The following CFAP54 variants were observed in gnomAD, a reference collection of about 807,000 sequenced individuals.
CFAP54 encodes cilia- and flagella-associated protein 54.
CFAP54 carries 290 observed loss-of-function variants against 370.4 expected under a neutral mutation model. The ratio of observed to expected loss-of-function variants is 0.78; its 90% confidence interval spans 0.71 to 0.86. The LOEUF (loss-of-function observed/expected upper bound fraction) is 0.86. Among genes scored for constraint, CFAP54 ranks in the 40% least tolerant of loss-of-function variants. CFAP54 has a pLI of 0.00. For missense variants in CFAP54, 3,399 were observed against 3,528.7 expected, an observed-to-expected ratio of 0.96 and a Z score of 0.93; for synonymous variants, 1,206 against 1,236.5, an observed-to-expected ratio of 0.98 and a Z score of 0.52.
intron 17 of CFAP54, among the ~76,000 whole-genome samples, chr12:96,558,394 A>G (rs955900591): frequency 6.6e-6 from 1 of 152,134 alleles, no homozygotes; most frequent in Non-Finnish European, 1.5e-5. Context: ...GAAAACCCCA[A>G]AGACTCCACA....
At chr12:96,861,373 C>T (rs1959876062) in intron 67 of CFAP54, among the ~76,000 whole-genome samples, 1 of 152,174 alleles carries the variant, frequency 6.6e-6, no homozygotes, top group South Asian at 2.1e-4. Flanking sequence ...GAGTAAACAT[C>T]CTACAAGGCA....
At chr12:96,511,241 G>A (rs7132950) in intron 4 of CFAP54, among the ~76,000 whole-genome samples, 2 of 152,134 alleles carry the variant, frequency 1.3e-5, no homozygotes, top group East Asian at 1.9e-4. Flanking sequence ...TTGTGTAATT[G>A]ATGTTTATTA....
At chr12:96,647,745 A>G (rs10860058) in intron 33 of CFAP54, 130 bp from the exon 34 acceptor site, 1 of 782,300 alleles carries the variant, frequency 1.3e-6, no homozygotes, top group East Asian at 3.3e-5. Flanking sequence ...TGATTAAGTG[A>G]CAAAACCCTT....
intron 13 of CFAP54, among the ~76,000 whole-genome samples, chr12:96,539,168 C>T (rs1955543610): frequency 6.8e-6 from 1 of 146,248 alleles, no homozygotes; most frequent in South Asian, 2.2e-4. Flanking sequence ...TCAAGCGATT[C>T]TCCTGCCTCA....
At chr12:96,690,533 A>T (rs1957377379) in intron 43 of CFAP54, among the ~76,000 whole-genome samples, 1 of 152,182 alleles carries the variant, frequency 6.6e-6, no homozygotes. Flanking sequence ...TAATCTTTTC[A>T]TTTAAGCAGG....
At chr12:96,497,700 G>T (rs1036076692) in intron 1 of CFAP54, among the ~76,000 whole-genome samples, 8 of 152,104 alleles carry the variant, frequency 5.3e-5, no homozygotes, top group Admixed American at 3.9e-4. Context: ...AACAATATAC[G>T]CCTTCAAGAT....
At chr12:96,839,549 G>T (rs956401984) in intron 66 of CFAP54, among the ~76,000 whole-genome samples, 1 of 152,200 alleles carries the variant, frequency 6.6e-6, no homozygotes, top group Non-Finnish European at 1.5e-5. Flanking sequence ...ATTCCCATCT[G>T]TCCCTGTTAC....
intron 62 of CFAP54, among the ~76,000 whole-genome samples, chr12:96,791,036 T>A (rs1229373859): frequency 6.6e-6 from 1 of 152,184 alleles, no homozygotes; most frequent in East Asian, 1.9e-4. Flanking sequence ...TTCTGGCCAC[T>A]GACAAATACT....
At chr12:96,575,534 G>T (rs565203076) in intron 19 of CFAP54, among the ~76,000 whole-genome samples, 1 of 152,036 alleles carries the variant, frequency 6.6e-6, no homozygotes, top group Non-Finnish European at 1.5e-5. Flanking sequence ...AGAGGAGGAG[G>T]AGTAGTAATC....
intron 19 of CFAP54, among the ~76,000 whole-genome samples, chr12:96,567,544 AT>A (rs1308983868): frequency 2.6e-5 from 4 of 152,014 alleles, no homozygotes; most frequent in Non-Finnish European, 4.4e-5. Context: ...GTTCAGATCC[AT>A]TTTCTCAGCT....
At chr12:96,788,449 T>C (rs1958650408) in intron 62 of CFAP54, among the ~76,000 whole-genome samples, 2 of 152,254 alleles carry the variant, frequency 1.3e-5, no homozygotes, top group African/African-American at 4.8e-5. Context: ...CTGATTTATT[T>C]TGAATTATCT....
intron 32 of CFAP54, among the ~76,000 whole-genome samples, chr12:96,634,287 C>A (rs1300960826): frequency 6.6e-6 from 1 of 151,852 alleles, no homozygotes; most frequent in African/African-American, 2.4e-5. Flanking sequence ...AACTCCTGAC[C>A]TCACGATCTA....
intron 58 of CFAP54, among the ~76,000 whole-genome samples, chr12:96,759,147 A>G (rs1483859019): frequency 6.6e-6 from 1 of 152,140 alleles, no homozygotes. Context: ...GTCTCAGTCA[A>G]TTCTTACCAA....
At chr12:96,522,223 C>CT in intron 8 of CFAP54, 34 bp downstream of exon 8, 1 of 1,357,134 alleles carries the variant, frequency 7.4e-7, no homozygotes, top group Middle Eastern at 2.4e-4. Context: ...CTTTAAGACT[C>CT]TTTTTGCAGT....
At chr12:96,674,776 G>A (rs1287768805) in intron 39 of CFAP54, among the ~76,000 whole-genome samples, 1 of 152,138 alleles carries the variant, frequency 6.6e-6, no homozygotes, top group Non-Finnish European at 1.5e-5. Context: ...GAGACTGTCT[G>A]TTTTGTTCAC....
chr12:96,735,660 A>G (rs1957972138), intron 50 of CFAP54, among the ~76,000 whole-genome samples: 1 of 152,242 alleles, frequency 6.6e-6, no homozygotes, highest in African/African-American at 2.4e-5. Context: ...TGGGGATAAT[A>G]TATCAGATTT....
At chr12:96,746,154 T>C (rs1958112342) in intron 55 of CFAP54, among the ~76,000 whole-genome samples, 1 of 152,140 alleles carries the variant, frequency 6.6e-6, no homozygotes, top group African/African-American at 2.4e-5. Context: ...TACCCCTCTC[T>C]CACATGTTTT....
chr12:96,870,345 T>G (rs1327788576), intron 67 of CFAP54, among the ~76,000 whole-genome samples: 1 of 152,108 alleles, frequency 6.6e-6, no homozygotes, highest in East Asian at 1.9e-4. Flanking sequence ...CAAGCTTAAG[T>G]CTCCTCTAAG....
rs1363579017 is a variant in CFAP54, at chr12:96,658,376, C to T, written c.5460+30C>T. ...GTTTAAGTTAGTTCTATTATTCATG[C>T]TGTTGTGATTTCTAATTAGTCCACA... On this transcript the variant is annotated intron_variant, in intron 38 of 67. Coordinates refer to ENST00000524981, the MANE Select transcript of CFAP54 (RefSeq NM_001306084.2). The T allele has an allele frequency of 4.3e-6, 7 of 1,609,222 alleles. No individual in the cohort carries two copies. The African/African-American group carries it at 6.7e-5, about 15-fold the overall frequency.
Sources: allele counts gnomAD v4.1 joint callset (sites outside exome capture counted in the v4.1 genomes callset), GRCh38; gene constraint gnomAD v4.1.1; transcripts MANE v1.5; gene names NCBI Gene and HGNC (gene_info 2026-07-23, HGNC 2026-07-21).